Variants in CCDC192 observed in about 807,000 individuals in gnomAD.
CCDC192 encodes the protein coiled-coil domain containing 192, also known as coiled-coil domain-containing protein 192.
At chr5:127,936,234 A>G (rs966514862) in intron 6 of CCDC192, among the ~76,000 whole-genome samples, 2 of 152,226 alleles carry the variant, frequency 1.3e-5, no homozygotes, top group Non-Finnish European at 2.9e-5. Context: ...TACTCCTTCA[A>G]CTACAGTCAC....
intron 5 of CCDC192, among the ~76,000 whole-genome samples, chr5:127,848,671 C>A (rs1368322034): frequency 6.6e-6 from 1 of 152,142 alleles, no homozygotes; most frequent in African/African-American, 2.4e-5. Context: ...AGAGTCTCTA[C>A]CACATAAAAT....
intron 5 of CCDC192, among the ~76,000 whole-genome samples, chr5:127,847,690 C>T (rs1393199995): frequency 3.3e-5 from 5 of 151,358 alleles, no homozygotes; most frequent in African/African-American, 1.2e-4. Context: ...GGCGTGGTGG[C>T]AGGCACCTGT....
intron 4 of CCDC192, among the ~76,000 whole-genome samples, chr5:127,797,603 A>G (rs138800803): frequency 0.011 from 1,593 of 151,470 alleles, 26 homozygotes; most frequent in African/African-American, 0.036. Flanking sequence ...TTTTTAATCA[A>G]TTACTTTATA....
At chr5:127,815,742 C>G (rs192593441) in intron 5 of CCDC192, among the ~76,000 whole-genome samples, 1 of 151,966 alleles carries the variant, frequency 6.6e-6, no homozygotes, top group African/African-American at 2.4e-5. Context: ...GTGGCGGGCA[C>G]CTGTAGTCCC....
intron 5 of CCDC192, among the ~76,000 whole-genome samples, chr5:127,847,159 T>C (rs980736545): frequency 2.0e-5 from 3 of 152,238 alleles, no homozygotes; most frequent in Non-Finnish European, 4.4e-5. Context: ...TGTGTTTCAT[T>C]ACTTTCCCCC....
intron 5 of CCDC192, among the ~76,000 whole-genome samples, chr5:127,848,689 G>A (rs1376999838): frequency 2.6e-5 from 4 of 152,234 alleles, no homozygotes; most frequent in Non-Finnish European, 4.4e-5. Context: ...AATTCTTATC[G>A]TGTTCTTATG....
In CCDC192 at chr5:127,885,572, A is replaced by T. The variant is rs145654684; in HGVS notation, c.535+9911A>T. Among the ~76,000 whole-genome samples, 4 of 150,666 alleles carry T rather than the reference A, an allele frequency of 2.7e-5. No individual in the cohort carries two copies. The East Asian group carries it at 7.7e-4, about 29-fold the overall frequency. ...TCACTATTATTTTATTTAGTAACTC[A>T]GTGTTTCCTTATAGGAGGTTAAGGA... On this transcript the variant is annotated intron_variant, in intron 6 of 6. Coordinates refer to ENST00000514853, the MANE Select transcript of CCDC192 (RefSeq NM_001317938.2).
chr5:127,775,950 T>A (rs1266421821), intron 3 of CCDC192, among the ~76,000 whole-genome samples: 1 of 152,298 alleles, frequency 6.6e-6, no homozygotes, highest in Non-Finnish European at 1.5e-5. Flanking sequence ...GAATTGTGAG[T>A]CCATGAAACC....
chr5:127,776,512 C>T (rs963384592), intron 3 of CCDC192, among the ~76,000 whole-genome samples: 1 of 152,092 alleles, frequency 6.6e-6, no homozygotes, highest in East Asian at 1.9e-4. Flanking sequence ...AAAGAAAAAC[C>T]CATTTTCTGA....
At chr5:127,934,562 A>T (rs1045970120) in intron 6 of CCDC192, among the ~76,000 whole-genome samples, 2 of 152,232 alleles carry the variant, frequency 1.3e-5, no homozygotes, top group African/African-American at 4.8e-5. Flanking sequence ...TGGTCTCTTT[A>T]CAAGTAAAAA....
At chr5:127,805,293 G>C (rs1757720776) in intron 5 of CCDC192, among the ~76,000 whole-genome samples, 1 of 152,118 alleles carries the variant, frequency 6.6e-6, no homozygotes, top group Non-Finnish European at 1.5e-5. Flanking sequence ...TCCTTGATCA[G>C]CAGAAGAAAG....
At chr5:127,829,837 A>G (rs1213884389) in intron 5 of CCDC192, among the ~76,000 whole-genome samples, 1 of 152,176 alleles carries the variant, frequency 6.6e-6, no homozygotes, top group Non-Finnish European at 1.5e-5. Context: ...AACTGTTACT[A>G]ATAACAACAC....
intron 6 of CCDC192, among the ~76,000 whole-genome samples, chr5:127,909,228 C>T (rs936677131): frequency 3.9e-5 from 6 of 152,062 alleles, no homozygotes; most frequent in Non-Finnish European, 7.4e-5. Context: ...ATTTCACTGC[C>T]TCACCACACA....
intron 5 of CCDC192, among the ~76,000 whole-genome samples, chr5:127,825,379 T>G (rs1749481190): frequency 6.6e-6 from 1 of 152,218 alleles, no homozygotes; most frequent in African/African-American, 2.4e-5. Context: ...ATGGTGACTT[T>G]CAGGTCAGCA....
chr5:127,906,987 T>C (rs1204220314), intron 6 of CCDC192, among the ~76,000 whole-genome samples: 1 of 152,220 alleles, frequency 6.6e-6, no homozygotes, highest in Non-Finnish European at 1.5e-5. Context: ...CTCTACATGT[T>C]TGCTAACAAT....
intron 3 of CCDC192, among the ~76,000 whole-genome samples, chr5:127,795,003 G>C (rs1032533843): frequency 3.3e-5 from 5 of 152,146 alleles, no homozygotes; most frequent in African/African-American, 1.2e-4. Context: ...TTTACAATTT[G>C]ATAAATAGGC....
At chr5:127,746,763 T>A (rs1195385160) in intron 2 of CCDC192, among the ~76,000 whole-genome samples, 2 of 152,146 alleles carry the variant, frequency 1.3e-5, no homozygotes, top group South Asian at 2.1e-4. Flanking sequence ...AGTATGCACC[T>A]GTAGTGGCAG....
chr5:127,847,065 A>G (rs1580744477), intron 5 of CCDC192, among the ~76,000 whole-genome samples: 1 of 152,200 alleles, frequency 6.6e-6, no homozygotes, highest in Admixed American at 6.5e-5. Context: ...CAATGGTTAA[A>G]AGTATGACTC....
At position 127,786,669 on chromosome 5, in the gene CCDC192, C is replaced by A. The variant is rs1580656852; in HGVS notation, c.223-10434C>A. On this transcript the variant is annotated intron_variant, in intron 3 of 6. Transcript: ENST00000514853. ...TCCATTCAGCACTTTGCTTGAAAATCAGTAATCTTCCCATTGTTGAGTGTA... is the reference window on the plus strand; with the variant it reads ...TCCATTCAGCACTTTGCTTGAAAATAAGTAATCTTCCCATTGTTGAGTGTA... 15 of 760,848 alleles carry A rather than the reference C, an allele frequency of 2.0e-5. No individual in the cohort carries two copies. The East Asian group carries it at 3.7e-4, about 19-fold the overall frequency. 47.1% of individuals were successfully genotyped at this position (760,848 alleles called of 1,614,324 possible).
Sources: allele counts gnomAD v4.1 joint callset (sites outside exome capture counted in the v4.1 genomes callset), GRCh38; gene constraint gnomAD v4.1.1; transcripts MANE v1.5; gene names NCBI Gene and HGNC (gene_info 2026-07-23, HGNC 2026-07-21).